Variants in PCDHGB1 observed in about 807,000 individuals in gnomAD.
PCDHGB1 encodes protocadherin gamma subfamily B, 1.
Under a neutral mutation model 56.6 loss-of-function variants are expected in PCDHGB1, and 34 were observed. The ratio of observed to expected loss-of-function variants is 0.60; its 90% CI spans 0.46 to 0.80. The LOEUF (loss-of-function observed/expected upper bound fraction) is 0.80. PCDHGB1 is among the 30% of genes least tolerant of loss of function. The probability of loss-of-function intolerance (pLI) is 0.00; values close to 1 mark genes in which losing one functional copy is unlikely to be tolerated. For missense variants in PCDHGB1, 1,278 were observed against 1,204.6 expected (o/e 1.06, Z -0.90); for synonymous variants, 561 against 505.9 (o/e 1.11, Z -1.46).
chr5:141,364,548 A>T (rs1763399502), intron 1 of PCDHGB1: 2 of 1,613,988 alleles, frequency 1.2e-6, no homozygotes. Flanking sequence ...GGTAGGACGC[A>T]GCTTTTTGCC....
intron 1 of PCDHGB1, among the ~76,000 whole-genome samples, chr5:141,442,926 T>C (rs2098353621): frequency 6.6e-6 from 1 of 152,240 alleles, no homozygotes; most frequent in African/African-American, 2.4e-5. Flanking sequence ...TGTTTCATTT[T>C]CTATTTAAGA....
intron 1 of PCDHGB1, among the ~76,000 whole-genome samples, chr5:141,458,883 C>A (rs1171747288): frequency 6.6e-6 from 1 of 152,136 alleles, no homozygotes; most frequent in East Asian, 1.9e-4. Flanking sequence ...CAGGCATGCA[C>A]ACCATGCGCA....
chr5:141,413,036 T>TGGGCTGCA, intron 1 of PCDHGB1: 1 of 805,900 alleles, frequency 1.2e-6, no homozygotes, highest in Non-Finnish European at 1.9e-6. Flanking sequence ...AACCGGCTGC[T>TGGGCTGCA]GGGCTGCAGG....
intron 1 of PCDHGB1, chr5:141,414,109 G>A: frequency 6.3e-7 from 1 of 1,592,288 alleles, no homozygotes; most frequent in Non-Finnish European, 8.6e-7. Context: ...AGAAAATCTA[G>A]ATTATGAAGA....
chr5:141,379,850 ATTATTGTCTTATTCTTAT>A (rs1302175225), intron 1 of PCDHGB1, among the ~76,000 whole-genome samples: 1 of 133,230 alleles, frequency 7.5e-6, no homozygotes, highest in African/African-American at 2.8e-5. Flanking sequence ...AAACTACCAA[ATTATTGTCTTATTCTTAT>A]TTTATGGTCT....
chr5:141,381,689 C>A lies in PCDHGB1; in HGVS notation c.2409+29020C>A, dbSNP rs548691945. 4.6e-5 allele frequency among the ~76,000 whole-genome samples: 7 copies of A among 152,268 alleles called. No individual in the cohort carries two copies. In the South Asian group the frequency reaches 1.2e-3, roughly 27 times the overall value. ...AGCTGATTGCTGCAGCCAAGACAAA[C>A]AACGATTTCTTTCTTTTTTTCTCAC... On this transcript the variant is annotated intron_variant, in intron 1 of 3. Transcript: ENST00000523390.
chr5:141,382,869 T>C (rs887588063), intron 1 of PCDHGB1: 1 of 1,519,592 alleles, frequency 6.6e-7, no homozygotes, highest in Non-Finnish European at 8.8e-7. Flanking sequence ...CTTCCCGAGA[T>C]CGGCGCCTAA....
At chr5:141,414,099 A>G in intron 1 of PCDHGB1, 1 of 1,593,504 alleles carries the variant, frequency 6.3e-7, no homozygotes, top group Non-Finnish European at 8.5e-7. Flanking sequence ...TAAAAATATC[A>G]GAAAATCTAG....
At chr5:141,374,679 C>CAAGT (rs755200801) in intron 1 of PCDHGB1, 1 of 1,610,324 alleles carries the variant, frequency 6.2e-7, no homozygotes, top group Admixed American at 1.7e-5. Context: ...CTGGAGGGCA[C>CAAGT]ACTGGACCGG....
chr5:141,351,727 C>G lies in PCDHGB1; in HGVS notation c.1467C>G (p.Ala489=), dbSNP rs771420474. ...PNGRVSYSIL[A]SDLEPRELLS... ...GCAGAGTCTCCTACTCTATTCTGGC[C>G]AGTGACCTGGAGCCGCGGGAGCTGT... Residue 489 remains alanine, a synonymous_variant, in exon 1 of 4, where the codon GCC becomes GCG. Transcript: ENST00000523390. 6.2e-7 allele frequency: 1 copy of G among 1,613,790 alleles called. No homozygotes were observed. Among genetic ancestry groups the G allele is most frequent in the East Asian group, 2.2e-5 (1 of 44,880 alleles).
rs922791130 is a variant in PCDHGB1 at position 141,351,046 on chromosome 5, G to A, written c.786G>A (p.Met262Ile). 1.9e-6 allele frequency: 3 copies of A among 1,613,934 alleles called. No homozygotes were observed. The highest frequency in any genetic ancestry group is 2.2e-5 in the South Asian group (2 of 91,086). The change falls in exon 1 of 4, where the codon ATG becomes ATA. Residue 262 changes from methionine (M) to isoleucine (I), a missense_variant. By Grantham distance (10) the Met-to-Ile change is conservative. Coordinates refer to ENST00000523390, the MANE Select transcript of PCDHGB1 (RefSeq NM_018922.3). ...GGGGAACCTCCGTGCTGCGGGTGATGGCCACAGACCAGGATGAGGGCATTA... is the reference window on the plus strand; with the variant it reads ...GGGGAACCTCCGTGCTGCGGGTGATAGCCACAGACCAGGATGAGGGCATTA... ...VPWGTSVLRV[M>I]ATDQDEGINA...
chr5:141,357,486 C>T, intron 1 of PCDHGB1: 1 of 1,614,238 alleles, frequency 6.2e-7, no homozygotes, highest in South Asian at 1.1e-5. Flanking sequence ...TCACCGCGGA[C>T]TCGCGGAAGA....
intron 2 of PCDHGB1, among the ~76,000 whole-genome samples, chr5:141,503,324 C>T (rs1389385473): frequency 7.9e-5 from 12 of 152,014 alleles, no homozygotes; most frequent in South Asian, 2.1e-4. Context: ...TGGAGGGGCG[C>T]GGTGGCTCAC....
chr5:141,366,264 C>T, intron 1 of PCDHGB1: 1 of 1,613,686 alleles, frequency 6.2e-7, no homozygotes, highest in East Asian at 2.2e-5. Flanking sequence ...CTCGTGGTGG[C>T]CGTCGAAGAC....
intron 1 of PCDHGB1, chr5:141,478,582 G>T: frequency 1.3e-6 from 2 of 1,579,988 alleles, no homozygotes; most frequent in Non-Finnish European, 1.7e-6. Context: ...CCCTGTTAGT[G>T]CTTTTTTATT....
In PCDHGB1 at chr5:141,350,774, A is replaced by G; in HGVS notation, c.514A>G (p.Asn172Asp). 3.7e-6 allele frequency: 6 copies of G among 1,613,968 alleles called. No individual in the cohort carries two copies. The highest frequency in any genetic ancestry group is 4.2e-6 in the Non-Finnish European group (5 of 1,179,888). ...NSLKLYTINP[N>D]QYFSLSTKES... ...ACTGAAGTTATACACCATCAACCCC[A>G]ATCAATACTTCTCTCTGTCAACGAA... is the stretch of plus-strand genomic sequence containing the variant. Residue 172 changes from asparagine to aspartate, a missense_variant, in exon 1 of 4, where the codon AAT becomes GAT. Coordinates refer to ENST00000523390, the MANE Select transcript of PCDHGB1 (RefSeq NM_018922.3).
chr5:141,376,190 G>A (rs759357506), intron 1 of PCDHGB1: 9 of 1,614,116 alleles, frequency 5.6e-6, no homozygotes, highest in Admixed American at 1.7e-5. Flanking sequence ...GGTCTCCTGC[G>A]TCTTCCTGGC....
Position 141,491,279 on chromosome 5 carries a change from T to G in PCDHGB1, c.2410-3528T>G. 1 of 1,614,110 alleles carries G rather than the reference T, an allele frequency of 6.2e-7. No individual in the cohort carries two copies. The highest frequency in any genetic ancestry group is 2.2e-5 in the East Asian group (1 of 44,878). ...GAGGAAATGCCCAAATCCAGTGACT[T>G]CCTCATACACCCTCCTGAGCGTTCA... On this transcript the variant is annotated intron_variant, in intron 1 of 3. Transcript: ENST00000523390. The surrounding 1 kb of genome is among the most constrained non-coding windows in gnomAD (Gnocchi z 6.9).
At position 141,489,385 on chromosome 5, in the gene PCDHGB1, G is replaced by C. The variant is rs893348832; in HGVS notation, c.2410-5422G>C. The stretch of plus-strand genomic sequence containing the variant: ...GCCGGGGACGCTGGTGGGGAATGTT[G>C]CTCAGGATCTGGGCTTAAAGATGAC... On this transcript the variant is annotated intron_variant, in intron 1 of 3. Transcript: ENST00000523390. This position sits in a 1 kb window ranked among gnomAD's most constrained non-coding sequence, Gnocchi z 4.5. The C allele has an allele frequency of 6.2e-7, 1 of 1,613,924 alleles. No individual in the cohort carries two copies. Among genetic ancestry groups the C allele is most frequent in the Non-Finnish European group, 8.5e-7 (1 of 1,179,896 alleles).
Sources: gnomAD v4.1 joint callset for allele counts (sites outside exome capture counted in the v4.1 genomes callset) on GRCh38, gnomAD v4.1.1 for gene constraint, Gnocchi (gnomAD v3.1) non-coding constraint, MANE v1.5 for transcripts, NCBI Gene and HGNC (gene_info 2026-07-23, HGNC 2026-07-21) for gene names.